Variants in NSD3 observed in about 807,000 individuals in gnomAD.
NSD3 encodes the protein histone-lysine N-methyltransferase NSD3.
In NSD3, 24 loss-of-function variants were observed where a neutral mutation model predicts 160.8. The observed-to-expected ratio is 0.15, with a 90% CI of 0.11 to 0.21. The LOEUF is 0.21. NSD3 is among the 10% of genes least tolerant of loss of function. The pLI, the probability that NSD3 is intolerant of heterozygous loss-of-function variation, is 1.00. For missense variants in NSD3, 1,157 were observed against 1,735.9 expected (o/e 0.67, Z 5.93); for synonymous variants, 520 against 600.0 (o/e 0.87, Z 1.95).
rs1292827625 is a variant in NSD3, at chr8:38,288,751, G to C, written c.3237C>G (p.Asn1079Lys). The C allele has an allele frequency of 1.9e-6, 3 of 1,611,628 alleles. No individual in the cohort carries two copies. Residue 1079 changes from asparagine (N) to lysine (K), a missense_variant, in exon 19 of 24, where the codon AAC (asparagine) becomes AAG (lysine). Coordinates refer to ENST00000317025, the MANE Select transcript of NSD3 (RefSeq NM_023034.2). This position sits in a 1 kb window ranked among gnomAD's most constrained non-coding sequence, Gnocchi z 4.5. ...KPPPYKHIKA[N>K]KVIGKVQIQV... is the part of the protein sequence containing the mutation. The stretch of plus-strand genomic sequence containing the variant: ...GGATCTGCACCTTTCCTATTACTTT[G>C]TTAGCCTAGAAAACAAAATCGCAAG...
intron 4 of NSD3, among the ~76,000 whole-genome samples, chr8:38,335,495 C>G (rs60312002): frequency 0.21 from 32,075 of 151,794 alleles, 3,571 homozygotes; most frequent in East Asian, 0.31. Context: ...CATGATGTAA[C>G]TTCTTAGAGA....
intron 1 of NSD3, among the ~76,000 whole-genome samples, chr8:38,349,638 CTTA>C (rs1810621969): frequency 7.9e-6 from 1 of 126,472 alleles, no homozygotes; most frequent in South Asian, 2.5e-4. Context: ...CCAGTATCTA[CTTA>C]TTTTTTTATT....
chr8:38,337,310 G>A lies in NSD3; in HGVS notation c.905C>T (p.Thr302Ile). 1 of 1,598,332 alleles carries A rather than the reference G, an allele frequency of 6.3e-7. No homozygotes were observed. Among genetic ancestry groups the A allele is most frequent in the Non-Finnish European group, 8.5e-7 (1 of 1,175,054 alleles). ...PQLEVHTKIN[T>I]RGAREYHVQF... ...CTGTTTATGCCTTTTCTTACCTCTTGTGTTAATTTTAGTATGAACCTCAAG... is the reference window on the plus strand; with the variant it reads ...CTGTTTATGCCTTTTCTTACCTCTTATGTTAATTTTAGTATGAACCTCAAG... The change falls in exon 4 of 24, where the codon ACA becomes ATA. Residue 302 changes from threonine (T) to isoleucine (I), a missense_variant. By Grantham distance (89) the Thr-to-Ile change is moderately conservative (BLOSUM62 -1). This residue lies in a region of NSD3 where 99 missense variants were observed against 151.8 expected (regional missense o/e 0.65). Coordinates refer to ENST00000317025, the MANE Select transcript of NSD3 (RefSeq NM_023034.2).
chr8:38,329,072 G>T lies in NSD3; in HGVS notation c.1581+306C>A, dbSNP rs1008999861. ...TTTGCAACTAAGAAAAGCTAACTACGCAAACTAGAAACAGGCAAAGTGCCC... is the reference window on the plus strand; with the variant it reads ...TTTGCAACTAAGAAAAGCTAACTACTCAAACTAGAAACAGGCAAAGTGCCC... On this transcript the variant is annotated intron_variant, in intron 6 of 23. Transcript: ENST00000317025. The surrounding 1 kb of genome is among the most constrained non-coding windows in gnomAD (Gnocchi z 4.8). Among the ~76,000 whole-genome samples, 2 of 152,112 alleles carry T rather than the reference G, an allele frequency of 1.3e-5. No homozygotes were observed. Among genetic ancestry groups the T allele is most frequent in the Non-Finnish European group, 2.9e-5 (2 of 68,028 alleles).
chr8:38,361,551 C>T (rs1180466762), intron 1 of NSD3, among the ~76,000 whole-genome samples: 2 of 150,610 alleles, frequency 1.3e-5, no homozygotes, highest in African/African-American at 4.9e-5. Flanking sequence ...GTCAGGAGAT[C>T]GAGACCATCC....
intron 1 of NSD3, among the ~76,000 whole-genome samples, chr8:38,368,759 A>G (rs16887343): frequency 0.22 from 33,593 of 152,120 alleles, 3,975 homozygotes; most frequent in East Asian, 0.31. Context: ...TGGTATTACC[A>G]CTTGAAGGAA....
intron 7 of NSD3, among the ~76,000 whole-genome samples, chr8:38,323,688 T>C (rs1809844009): frequency 6.6e-6 from 1 of 151,754 alleles, no homozygotes; most frequent in Non-Finnish European, 1.5e-5. Context: ...TAGCCAAGCA[T>C]GGTGGCAGGC....
intron 1 of NSD3, among the ~76,000 whole-genome samples, chr8:38,365,548 C>T (rs1196468319): frequency 6.6e-6 from 1 of 152,212 alleles, no homozygotes; most frequent in Non-Finnish European, 1.5e-5. Flanking sequence ...TCTCAGCTCA[C>T]TGCAACCTCT....
Position 38,316,691 on chromosome 8 carries a change from A to G in NSD3, c.1856-649T>C, listed in dbSNP as rs1229305165. 2 of 1,055,272 alleles carry G rather than the reference A, an allele frequency of 1.9e-6. No individual in the cohort carries two copies. The highest frequency in any genetic ancestry group is 2.3e-6 in the Non-Finnish European group (2 of 873,036). 65.4% of individuals were successfully genotyped at this position (1,055,272 alleles called of 1,614,324 possible). Reference sequence around the variant, plus strand: ...GAAGGCACATTGCTGAGGGCTGTAAATGGACAATCAGTGTTCAAGTGCAGC... The same window carrying G: ...GAAGGCACATTGCTGAGGGCTGTAAGTGGACAATCAGTGTTCAAGTGCAGC... On this transcript the variant is annotated intron_variant, in intron 9 of 23. Transcript: ENST00000317025. The surrounding 1 kb of genome is among the most constrained non-coding windows in gnomAD (Gnocchi z 4.5).
rs10096606 is a variant in NSD3 at position 38,304,388 on chromosome 8, C to A, written c.2611+199G>T. On this transcript the variant is annotated intron_variant, in intron 14 of 23. Coordinates refer to ENST00000317025, the MANE Select transcript of NSD3 (RefSeq NM_023034.2). ...CTTAACTTATGGAAGAATTAGTATT[C>A]TAACACTTTGGACATCTAGCATTAT... Among the ~76,000 whole-genome samples, 923 of 152,254 alleles carry A rather than the reference C, an allele frequency of 6.1e-3. 8 individuals carry two copies. Among genetic ancestry groups the A allele is most frequent in the African/African-American group, 0.02 (833 of 41,542 alleles).
intron 14 of NSD3, chr8:38,303,440 G>GCTCC (rs1414342918): frequency 1.0e-6 from 1 of 978,192 alleles, no homozygotes; most frequent in African/African-American, 1.8e-5. Flanking sequence ...TCCAAAGGCA[G>GCTCC]ACAGTCACAT....
In NSD3 at chr8:38,337,290, T is replaced by C. The variant is rs1239579000; in HGVS notation, c.910+15A>G. The C allele has an allele frequency of 1.3e-6, 2 of 1,590,514 alleles. No homozygotes were observed. Among genetic ancestry groups the C allele is most frequent in the Non-Finnish European group, 1.7e-6 (2 of 1,171,748 alleles). ...TCCAACCTTTTACTTAGTATCTGTT[T>C]ATGCCTTTTCTTACCTCTTGTGTTA... On this transcript the variant is annotated intron_variant, in intron 4 of 23. Coordinates refer to ENST00000317025, the MANE Select transcript of NSD3 (RefSeq NM_023034.2).
Position 38,318,938 on chromosome 8 carries a change from A to G in NSD3, c.1812T>C (p.Val604=). ...VPKKKIKKEQ[V]ETVPQATVKT... is the part of the protein sequence containing the mutation. Reference sequence around the variant, plus strand: ...TCACTGTAGCCTGAGGAACTGTTTCAACCTGTTTGGACAGAAAAATACAGC... The same window carrying G: ...TCACTGTAGCCTGAGGAACTGTTTCGACCTGTTTGGACAGAAAAATACAGC... The change falls in exon 9 of 24, where the codon GTT becomes GTC. Residue 604 remains valine, a splice_region_variant and synonymous_variant. Coordinates refer to ENST00000317025, the MANE Select transcript of NSD3 (RefSeq NM_023034.2). This position sits in a 1 kb window ranked among gnomAD's most constrained non-coding sequence, Gnocchi z 5.3. The G allele has an allele frequency of 1.2e-6, 2 of 1,610,332 alleles. No individual in the cohort carries two copies. The highest frequency in any genetic ancestry group is 1.7e-6 in the Non-Finnish European group (2 of 1,178,866).
chr8:38,378,407 C>T (rs913275335), intron 1 of NSD3, among the ~76,000 whole-genome samples: 12 of 152,002 alleles, frequency 7.9e-5, no homozygotes, highest in Non-Finnish European at 1.6e-4. Flanking sequence ...TTTGGGAGGC[C>T]GAGGCGGGTG....
rs964386317 is a variant in NSD3 at position 38,349,608 on chromosome 8, T to C, written c.-44-1393A>G. On this transcript the variant is annotated intron_variant, in intron 1 of 23. Transcript: ENST00000317025. Reference sequence around the variant, plus strand: ...TGTCAATGAACTCTCATACCAATAGTGTGTGCTTCTCTATAGTTGCCAGTA... The same window carrying C: ...TGTCAATGAACTCTCATACCAATAGCGTGTGCTTCTCTATAGTTGCCAGTA... 2.0e-5 allele frequency among the ~76,000 whole-genome samples: 3 copies of C among 149,730 alleles called. No individual in the cohort carries two copies. The Admixed American group carries it at 2.0e-4, about 10-fold the overall frequency.
At chr8:38,293,358 G>A (rs906860022) in intron 16 of NSD3, among the ~76,000 whole-genome samples, 1 of 151,034 alleles carries the variant, frequency 6.6e-6, no homozygotes, top group Non-Finnish European at 1.5e-5. Flanking sequence ...GAGACCATCC[G>A]GGCCAACATG....
chr8:38,370,269 C>T (rs1480335433), intron 1 of NSD3, among the ~76,000 whole-genome samples: 2 of 151,994 alleles, frequency 1.3e-5, no homozygotes, highest in Non-Finnish European at 2.9e-5. Context: ...ACATACTTTC[C>T]ACAGATGTTT....
chr8:38,276,268 G>C (rs1808600144), intron 23 of NSD3, 28 bp downstream of exon 23: 1 of 1,609,756 alleles, frequency 6.2e-7, no homozygotes, highest in African/African-American at 1.3e-5. Context: ...ACACAAATTA[G>C]GGAAAGGGTC....
intron 7 of NSD3, among the ~76,000 whole-genome samples, chr8:38,324,988 C>T (rs1392999956): frequency 6.6e-6 from 1 of 152,210 alleles, no homozygotes; most frequent in Non-Finnish European, 1.5e-5. Context: ...TCTGGCTGTT[C>T]ATCTGTATCT....
Sources: gnomAD v4.1 joint callset for allele counts (sites outside exome capture counted in the v4.1 genomes callset) on GRCh38, gnomAD v4.1.1 for gene constraint, gnomAD v4.1.1 regional missense constraint, Gnocchi (gnomAD v3.1) non-coding constraint, MANE v1.5 for transcripts, NCBI Gene and HGNC (gene_info 2026-07-23, HGNC 2026-07-21) for gene names.